The following RPS6KC1 variants were observed in gnomAD, a reference collection of about 807,000 sequenced individuals.
The protein encoded by RPS6KC1 is ribosomal protein S6 kinase C1.
A neutral mutation model predicts 103.8 loss-of-function variants in RPS6KC1; 54 were observed. That is an observed-to-expected ratio of 0.52 (90% CI 0.42 to 0.65). RPS6KC1 has a LOEUF of 0.65. Among genes scored for constraint, RPS6KC1 ranks in the 30% least tolerant of loss-of-function variants. The probability of loss-of-function intolerance (pLI) is 0.00; values close to 1 mark genes in which losing one functional copy is unlikely to be tolerated. For missense variants in RPS6KC1, 1,151 were observed against 1,253.8 expected, an observed-to-expected ratio of 0.92 and a Z score of 1.24; for synonymous variants, 439 against 438.7, an observed-to-expected ratio of 1.00 and a Z score of -0.01.
chr1:213,542,070 G>A, the RPS6KC1 span, among the ~76,000 whole-genome samples: 2,426 of 152,074 alleles, frequency 0.016, 65 homozygotes, highest in African/African-American at 0.054. Flanking sequence ...ATACATTTCC[G>A]TTGAGAATGT....
intron 4 of RPS6KC1, 47 bp downstream of exon 4, chr1:213,104,616 G>A: frequency 2.9e-6 from 3 of 1,042,994 alleles, no homozygotes; most frequent in Non-Finnish European, 4.2e-6. Flanking sequence ...AAATACTTTT[G>A]TAATTTGTAG....
chr1:213,628,893 T>C, the RPS6KC1 span, among the ~76,000 whole-genome samples: 1 of 152,218 alleles, frequency 6.6e-6, no homozygotes, highest in Non-Finnish European at 1.5e-5. Flanking sequence ...TTGAGCAGTT[T>C]TGAGTGAGTT....
intron 12 of RPS6KC1, among the ~76,000 whole-genome samples, chr1:213,252,797 G>A (rs571783834): frequency 6.0e-4 from 91 of 152,218 alleles, no homozygotes; most frequent in African/African-American, 2.1e-3. Context: ...TCATTTTAAT[G>A]TGTTGTATGG....
chr1:213,845,013 A>G, the RPS6KC1 span, among the ~76,000 whole-genome samples: 10 of 152,004 alleles, frequency 6.6e-5, no homozygotes, highest in East Asian at 1.9e-3. Context: ...TCAATCCTCC[A>G]GACAGAGGGC....
At chr1:213,509,321 T>C in the RPS6KC1 span, among the ~76,000 whole-genome samples, 1 of 151,696 alleles carries the variant, frequency 6.6e-6, no homozygotes, top group Non-Finnish European at 1.5e-5. Flanking sequence ...GCTTTATCTT[T>C]AAAGAAAGAG....
At chr1:213,098,107 A>G (rs1202876014) in intron 3 of RPS6KC1, among the ~76,000 whole-genome samples, 2 of 152,088 alleles carry the variant, frequency 1.3e-5, no homozygotes, top group African/African-American at 4.8e-5. Context: ...CTAACTTTCA[A>G]CATTTCTTGG....
the RPS6KC1 span, among the ~76,000 whole-genome samples, chr1:213,774,988 G>T: frequency 6.6e-6 from 1 of 152,206 alleles, no homozygotes; most frequent in South Asian, 2.1e-4. Flanking sequence ...AGGGCCAGGG[G>T]AGGAAAGGGG....
chr1:213,074,429 G>T (rs1328929014), intron 2 of RPS6KC1, among the ~76,000 whole-genome samples: 1 of 152,188 alleles, frequency 6.6e-6, no homozygotes, highest in Admixed American at 6.5e-5. Flanking sequence ...ATTAATTAGA[G>T]AAAATAATTT....
chr1:213,291,024 T>G, the RPS6KC1 span, among the ~76,000 whole-genome samples: 5 of 152,204 alleles, frequency 3.3e-5, no homozygotes, highest in Admixed American at 2.6e-4. Context: ...AAATGGGATG[T>G]TTGCCTTGCA....
intron 6 of RPS6KC1, among the ~76,000 whole-genome samples, chr1:213,165,787 C>T (rs1039605763): frequency 6.6e-6 from 1 of 152,072 alleles, no homozygotes; most frequent in African/African-American, 2.4e-5. Context: ...AAACTCCTGA[C>T]CTCAGGTGAT....
intron 7 of RPS6KC1, among the ~76,000 whole-genome samples, chr1:213,171,344 ATTTC>A (rs1415940935): frequency 6.6e-6 from 1 of 151,662 alleles, no homozygotes; most frequent in African/African-American, 2.4e-5. Context: ...AAGGAGACAG[ATTTC>A]TTTCTTTTTT....
chr1:213,368,831 A>G, the RPS6KC1 span, among the ~76,000 whole-genome samples: 11 of 152,240 alleles, frequency 7.2e-5, no homozygotes, highest in Non-Finnish European at 1.5e-4. Flanking sequence ...GCGGCCTGCA[A>G]TCTAAGTTGA....
At chr1:213,558,874 T>G in the RPS6KC1 span, among the ~76,000 whole-genome samples, 8 of 152,210 alleles carry the variant, frequency 5.3e-5, no homozygotes, top group Admixed American at 3.3e-4. Context: ...TACATCACTT[T>G]CCTTGTTCTG....
chr1:213,743,809 C>T, the RPS6KC1 span, among the ~76,000 whole-genome samples: 11 of 152,088 alleles, frequency 7.2e-5, no homozygotes, highest in Admixed American at 1.3e-4. Flanking sequence ...GGACACAGTT[C>T]GAGTTAGGAA....
In RPS6KC1 at chr1:213,129,695, G is replaced by A. The variant is rs745870658; in HGVS notation, c.641G>A (p.Ser214Asn). The change falls in exon 6 of 15, where the codon AGC becomes AAC. Residue 214 changes from serine to asparagine, a missense_variant. Transcript: ENST00000366960. ...GCTGTTGCTTCTGACAGTGAACAGA[G>A]CAAAACAGAAGAAGAACGGGAAAGT... Reference protein sequence around the residue: ...LGAVASDSEQSKTEEERESRS... With the variant: ...LGAVASDSEQNKTEEERESRS... 1 of 1,614,056 alleles carries A rather than the reference G, an allele frequency of 6.2e-7. No homozygotes were observed. Among genetic ancestry groups the A allele is most frequent in the Non-Finnish European group, 8.5e-7 (1 of 1,179,970 alleles).
At chr1:213,370,889 C>T in the RPS6KC1 span, among the ~76,000 whole-genome samples, 149 of 152,274 alleles carry the variant, frequency 9.8e-4, 1 homozygote, top group African/African-American at 3.1e-3. Flanking sequence ...ATGTCAAACT[C>T]GTGCCCCATG....
the RPS6KC1 span, among the ~76,000 whole-genome samples, chr1:213,846,731 T>A: frequency 6.6e-6 from 1 of 152,190 alleles, no homozygotes; most frequent in South Asian, 2.1e-4. Flanking sequence ...TCTAGTTTTT[T>A]AAAATAAGAG....
the RPS6KC1 span, among the ~76,000 whole-genome samples, chr1:213,717,497 G>A: frequency 6.6e-6 from 1 of 152,234 alleles, no homozygotes; most frequent in East Asian, 1.9e-4. Flanking sequence ...GTTGGCTAAA[G>A]CGTTGAGTTT....
intron 6 of RPS6KC1, among the ~76,000 whole-genome samples, chr1:213,130,889 C>G (rs965668913): frequency 1.1e-4 from 16 of 151,886 alleles, no homozygotes; most frequent in African/African-American, 3.6e-4. Context: ...TTTCTTGATT[C>G]CCTTTTAGTA....
Sources: gnomAD v4.1 joint callset for allele counts (sites outside exome capture counted in the v4.1 genomes callset) on GRCh38, gnomAD v4.1.1 for gene constraint, MANE v1.5 for transcripts, NCBI Gene and HGNC (gene_info 2026-07-23, HGNC 2026-07-21) for gene names.